NCKAP5: variants seen among roughly 807,000 people sequenced by gnomAD.
The protein encoded by NCKAP5 is nck-associated protein 5.
In NCKAP5, 92 loss-of-function variants were observed where a neutral mutation model predicts 167.0. That is an observed-to-expected ratio of 0.55 (90% confidence interval 0.47 to 0.66). The LOEUF is 0.66. Ranked by LOEUF, NCKAP5 falls within the 30% of genes least tolerant of loss-of-function variation. The pLI is 0.00. For synonymous variants in NCKAP5, 891 were observed against 877.4 expected, an observed-to-expected ratio of 1.02 and a Z score of -0.27; for missense variants, 2,378 against 2,315.0, an observed-to-expected ratio of 1.03 and a Z score of -0.56.
At chr2:132,926,830 C>T (rs2149034803) in intron 8 of NCKAP5, among the ~76,000 whole-genome samples, 1 of 152,178 alleles carries the variant, frequency 6.6e-6, no homozygotes, top group South Asian at 2.1e-4. Context: ...CAGGTTGTCT[C>T]TTCACTCGTT....
chr2:132,712,360 T>C lies in NCKAP5; in HGVS notation c.5713+13267A>G, dbSNP rs140036532. The stretch of plus-strand genomic sequence containing the variant: ...CTCATACCTTTTGCTTAGAACTATG[T>C]TGGGATTCAGGCCTGGCGGGGTGGC... On this transcript the variant is annotated intron_variant, in intron 19 of 19. Coordinates refer to ENST00000409261, the MANE Select transcript of NCKAP5 (RefSeq NM_207363.3). 6.0e-4 allele frequency among the ~76,000 whole-genome samples: 91 copies of C among 152,280 alleles called. No homozygotes were observed. In the East Asian group the frequency reaches 0.015, roughly 24 times the overall value.
chr2:133,027,081 T>C (rs1165346067), intron 6 of NCKAP5, among the ~76,000 whole-genome samples: 1 of 152,218 alleles, frequency 6.6e-6, no homozygotes, highest in Non-Finnish European at 1.5e-5. Flanking sequence ...CAAGACATTC[T>C]GCAACTGGCT....
rs551992818 is a variant in NCKAP5 at position 133,036,570 on chromosome 2, C to T, written c.342-42331G>A. Among the ~76,000 whole-genome samples the T allele has an allele frequency of 2.7e-4, 41 of 151,980 alleles. No individual in the cohort carries two copies. The Middle Eastern group carries it at 0.014, about 50-fold the overall frequency. On this transcript the variant is annotated intron_variant, in intron 6 of 19. Transcript: ENST00000409261. ...TCAACAGAACGAAGGATAAAAACCA[C>T]ATGATCATTTCAATTGATGCTGAAA...
chr2:133,341,160 G>GA (rs112387866), intron 3 of NCKAP5, among the ~76,000 whole-genome samples: 1,505 of 147,042 alleles, frequency 0.01, 23 homozygotes, highest in African/African-American at 0.032. Flanking sequence ...TTACCCCATG[G>GA]AAAAAAAAAC....
chr2:133,170,147 A>G (rs1223844408), intron 5 of NCKAP5, among the ~76,000 whole-genome samples: 11 of 152,206 alleles, frequency 7.2e-5, no homozygotes. Context: ...GGCATTTTAA[A>G]AGAGATGATA....
chr2:133,027,041 C>T (rs55915453), intron 6 of NCKAP5, among the ~76,000 whole-genome samples: 11 of 152,200 alleles, frequency 7.2e-5, no homozygotes, highest in African/African-American at 2.7e-4. Flanking sequence ...GAGAGACTCA[C>T]TTCCAAGGGA....
chr2:132,998,981 T>A (rs1485823068), intron 6 of NCKAP5, among the ~76,000 whole-genome samples: 3 of 152,264 alleles, frequency 2.0e-5, no homozygotes, highest in Admixed American at 2.0e-4. Context: ...TTCCCCTAAA[T>A]ATTGGTCAAG....
intron 6 of NCKAP5, among the ~76,000 whole-genome samples, chr2:133,088,015 G>C (rs2081050830): frequency 1.3e-5 from 2 of 152,098 alleles, no homozygotes; most frequent in African/African-American, 2.4e-5. Flanking sequence ...AATTTTACCA[G>C]GGCTGTATTT....
At chr2:133,408,212 A>C (rs1344759876) in intron 3 of NCKAP5, among the ~76,000 whole-genome samples, 1 of 152,244 alleles carries the variant, frequency 6.6e-6, no homozygotes, top group African/African-American at 2.4e-5. Context: ...GGAGAGGCAC[A>C]GAAGCCTTGA....
chr2:133,303,182 C>T (rs1363094210), intron 3 of NCKAP5, 72 bp from the exon 4 acceptor site: 6 of 1,031,742 alleles, frequency 5.8e-6, no homozygotes, highest in Non-Finnish European at 8.9e-6. Flanking sequence ...CTGACCTTAT[C>T]TCTACAAGGA....
chr2:132,880,552 T>A (rs1290256763), intron 8 of NCKAP5, among the ~76,000 whole-genome samples: 1 of 151,974 alleles, frequency 6.6e-6, no homozygotes, highest in African/African-American at 2.4e-5. Context: ...ATCACTTGAA[T>A]CTGGGAGGTG....
At chr2:132,829,566 G>A (rs1179563827) in intron 11 of NCKAP5, among the ~76,000 whole-genome samples, 2 of 152,156 alleles carry the variant, frequency 1.3e-5, no homozygotes, top group African/African-American at 2.4e-5. Flanking sequence ...CTTACAGCCA[G>A]CTCTTTGCTA....
rs1237560454 is a variant in NCKAP5, at chr2:133,526,168, GA to G, written c.-61-8582del. 1.0e-4 allele frequency among the ~76,000 whole-genome samples: 7 copies of G among 67,056 alleles called. No individual in the cohort carries two copies. The East Asian group carries it at 4.0e-3, about 39-fold the overall frequency. The allele number at this position is 67,056 out of a possible 152,430, so 44.0% of individuals were successfully genotyped here. On this transcript the variant is annotated intron_variant, in intron 2 of 19. Coordinates refer to ENST00000409261, the MANE Select transcript of NCKAP5 (RefSeq NM_207363.3). The stretch of plus-strand genomic sequence containing the variant: ...GGGAGGAACAGAGAAAGGGAATGAG[GA>G]AGGAAGGAAGGAAGGAAGGAAGGAA...
intron 3 of NCKAP5, among the ~76,000 whole-genome samples, chr2:133,404,350 A>T (rs1688289927): frequency 6.6e-6 from 1 of 152,214 alleles, no homozygotes; most frequent in African/African-American, 2.4e-5. Flanking sequence ...TATATTCCAA[A>T]ACCACTAGTG....
rs188323350 is a variant in NCKAP5, at chr2:133,095,838, T to C, written c.341+34140A>G. ...GTTTTCCAGTCATTAAACTGGACCA[T>C]ACGAAATTGCCATTTCTATAAGTGA... On this transcript the variant is annotated intron_variant, in intron 6 of 19. Transcript: ENST00000409261. 8.4e-4 allele frequency among the ~76,000 whole-genome samples: 128 copies of C among 152,272 alleles called. 1 individual carries two copies. The highest frequency in any genetic ancestry group is 4.4e-5 in the Non-Finnish European group (3 of 68,026).
At chr2:133,312,402 C>G (rs1318488446) in intron 3 of NCKAP5, among the ~76,000 whole-genome samples, 1 of 152,206 alleles carries the variant, frequency 6.6e-6, no homozygotes, top group Non-Finnish European at 1.5e-5. Flanking sequence ...TCCCCCATCT[C>G]TCTCCAGCTG....
chr2:133,411,377 T>C (rs956005431), intron 3 of NCKAP5, among the ~76,000 whole-genome samples: 2 of 152,156 alleles, frequency 1.3e-5, no homozygotes, highest in African/African-American at 4.8e-5. Context: ...TTCCAGCTAA[T>C]GACTGGAGAA....
intron 3 of NCKAP5, among the ~76,000 whole-genome samples, chr2:133,373,097 T>A (rs1467030796): frequency 2.0e-5 from 3 of 152,248 alleles, no homozygotes; most frequent in Non-Finnish European, 4.4e-5. Context: ...TCTCATTCTG[T>A]TGCCCAGGCT....
chr2:133,109,520 T>C (rs1284249164), intron 6 of NCKAP5, among the ~76,000 whole-genome samples: 1 of 152,174 alleles, frequency 6.6e-6, no homozygotes, highest in Non-Finnish European at 1.5e-5. Flanking sequence ...GGAAGTAGAA[T>C]ACTAGGAAGT....
Sources: gnomAD v4.1 joint callset for allele counts (sites outside exome capture counted in the v4.1 genomes callset) on GRCh38, gnomAD v4.1.1 for gene constraint, MANE v1.5 for transcripts, NCBI Gene and HGNC (gene_info 2026-07-23, HGNC 2026-07-21) for gene names.